The following SEMA6D variants were observed in gnomAD, a reference collection of about 807,000 sequenced individuals.
The protein encoded by SEMA6D is semaphorin 6D.
In SEMA6D, 35 loss-of-function variants were observed where a neutral mutation model predicts 106.6. The ratio of observed to expected loss-of-function variants is 0.33; its 90% CI spans 0.25 to 0.44. SEMA6D has a LOEUF of 0.44. SEMA6D is among the 20% of genes least tolerant of loss of function. The pLI, the probability that SEMA6D is intolerant of heterozygous loss-of-function variation, is 1.00. For missense variants in SEMA6D, 1,185 were observed against 1,345.9 expected (o/e 0.88, Z 1.87); for synonymous variants, 499 against 487.7 (o/e 1.02, Z -0.31).
At chr15:47,373,701 A>G (rs965841278) in intron 1 of SEMA6D, among the ~76,000 whole-genome samples, 2 of 152,224 alleles carry the variant, frequency 1.3e-5, no homozygotes, top group African/African-American at 4.8e-5. Flanking sequence ...TATTTAATTT[A>G]TCACATAGCT....
chr15:47,735,194 C>T (rs1409620729), intron 1 of SEMA6D, among the ~76,000 whole-genome samples: 1 of 152,180 alleles, frequency 6.6e-6, no homozygotes. Context: ...CTGGCATGGG[C>T]ACTAACCAAT....
chr15:47,403,424 A>G (rs1178699044), intron 1 of SEMA6D, among the ~76,000 whole-genome samples: 1 of 152,222 alleles, frequency 6.6e-6, no homozygotes, highest in African/African-American at 2.4e-5. Context: ...GTATCATCTC[A>G]GTTCAATTTA....
At chr15:47,508,021 C>A (rs1350725107) in intron 3 of SEMA6D, among the ~76,000 whole-genome samples, 1 of 152,144 alleles carries the variant, frequency 6.6e-6, no homozygotes, top group South Asian at 2.1e-4. Context: ...AATATCATAA[C>A]CATGCAATAC....
chr15:47,332,893 C>G (rs548176485), intron 1 of SEMA6D, among the ~76,000 whole-genome samples: 8 of 151,990 alleles, frequency 5.3e-5, no homozygotes, highest in African/African-American at 1.9e-4. Flanking sequence ...CAGCCACAGG[C>G]GCAAGTAGAC....
chr15:47,252,941 C>A (rs1002140767), intron 1 of SEMA6D, among the ~76,000 whole-genome samples: 6 of 152,154 alleles, frequency 3.9e-5, no homozygotes, highest in African/African-American at 1.4e-4. Context: ...TATAGTAGTT[C>A]TATTTTTAAT....
chr15:47,380,115 C>T (rs281259), intron 1 of SEMA6D, among the ~76,000 whole-genome samples: 71,734 of 152,078 alleles, frequency 0.47, 20,403 homozygotes, highest in South Asian at 0.62. Context: ...GAAGCTCTTA[C>T]ATCTGCCATA....
At chr15:47,586,266 G>A (rs1596370211) in intron 3 of SEMA6D, among the ~76,000 whole-genome samples, 1 of 152,120 alleles carries the variant, frequency 6.6e-6, no homozygotes, top group Admixed American at 6.6e-5. Flanking sequence ...AGCAGGCAAC[G>A]GAATTCAGGG....
intron 1 of SEMA6D, among the ~76,000 whole-genome samples, chr15:47,347,494 A>C (rs2038095300): frequency 2.6e-5 from 4 of 152,252 alleles, no homozygotes; most frequent in Admixed American, 2.6e-4. Flanking sequence ...CCATAATCAC[A>C]GTGCAGGCAC....
intron 1 of SEMA6D, chr15:47,359,865 G>T (rs911314110): frequency 2.6e-5 from 4 of 152,094 alleles, no homozygotes; most frequent in Admixed American, 1.3e-4. Context: ...AGCTGGGGAA[G>T]GTGGGAAAAA....
At chr15:47,735,287 T>C (rs1450439329) in intron 1 of SEMA6D, among the ~76,000 whole-genome samples, 1 of 152,190 alleles carries the variant, frequency 6.6e-6, no homozygotes, top group Non-Finnish European at 1.5e-5. Context: ...GAGAAGGCAC[T>C]ACGGTATAGT....
chr15:47,464,746 A>G (rs1402866166), intron 2 of SEMA6D, among the ~76,000 whole-genome samples: 14 of 152,096 alleles, frequency 9.2e-5, no homozygotes, highest in Admixed American at 9.2e-4. Context: ...CTAACCTTTT[A>G]ATTTAAATAC....
chr15:47,290,321 A>G (rs1198829099), intron 1 of SEMA6D, among the ~76,000 whole-genome samples: 1 of 152,144 alleles, frequency 6.6e-6, no homozygotes, highest in Non-Finnish European at 1.5e-5. Flanking sequence ...AGAATGTTTC[A>G]TTTAGCATCC....
chr15:47,575,134 C>T lies in SEMA6D; in HGVS notation c.-86-25731C>T, dbSNP rs141659178. ...ACAAGGGCATCAGGGACACAATTGT[C>T]ATTTCACTCATTGAAACAAATTAAT... On this transcript the variant is annotated intron_variant, in intron 3 of 19. Coordinates refer to the SEMA6D transcript ENST00000558014. Among the ~76,000 whole-genome samples, 183 of 152,320 alleles carry T rather than the reference C, an allele frequency of 1.2e-3. 1 individual carries two copies. Among genetic ancestry groups the T allele is most frequent in the African/African-American group, 4.3e-3 (177 of 41,568 alleles).
At chr15:47,213,907 T>G (rs1205100207) in intron 1 of SEMA6D, among the ~76,000 whole-genome samples, 1 of 152,122 alleles carries the variant, frequency 6.6e-6, no homozygotes, top group Non-Finnish European at 1.5e-5. Flanking sequence ...ATTAAAAGTG[T>G]TGACCACTGA....
chr15:47,682,258 C>G (rs576238170), intron 4 of SEMA6D, among the ~76,000 whole-genome samples: 29 of 151,888 alleles, frequency 1.9e-4, no homozygotes, highest in South Asian at 8.3e-4. Flanking sequence ...AGCTCCGCCT[C>G]CCGGGTTCAT....
intron 3 of SEMA6D, among the ~76,000 whole-genome samples, chr15:47,472,694 A>G (rs1358116855): frequency 2.0e-5 from 3 of 152,208 alleles, no homozygotes; most frequent in African/African-American, 7.2e-5. Context: ...TACCAATAAC[A>G]TTGATATAAA....
chr15:47,212,423 G>A (rs190208426), intron 1 of SEMA6D, among the ~76,000 whole-genome samples: 2 of 152,232 alleles, frequency 1.3e-5, no homozygotes, highest in Non-Finnish European at 2.9e-5. Flanking sequence ...TATCTCTGAC[G>A]GTGACGTTCT....
intron 1 of SEMA6D, among the ~76,000 whole-genome samples, chr15:47,257,310 G>GC (rs1212459205): frequency 6.6e-6 from 1 of 152,048 alleles, no homozygotes; most frequent in Non-Finnish European, 1.5e-5. Flanking sequence ...ACCCGCCTTG[G>GC]CCCCCCAAAG....
At chr15:47,330,058 A>G (rs1481116643) in intron 1 of SEMA6D, among the ~76,000 whole-genome samples, 1 of 152,198 alleles carries the variant, frequency 6.6e-6, no homozygotes, top group Non-Finnish European at 1.5e-5. Context: ...TACTGATCGT[A>G]TATTTACCTC....
Sources: gnomAD v4.1 joint callset for allele counts (sites outside exome capture counted in the v4.1 genomes callset) on GRCh38, gnomAD v4.1.1 for gene constraint, MANE v1.5 for transcripts, NCBI Gene and HGNC (gene_info 2026-07-23, HGNC 2026-07-21) for gene names.